KPNA3: variants seen among roughly 807,000 people sequenced by gnomAD.
KPNA3 encodes importin subunit alpha-4.
In KPNA3, 13 loss-of-function variants were observed where a neutral mutation model predicts 73.8. The ratio of observed to expected loss-of-function variants is 0.18; its 90% CI spans 0.11 to 0.28. The LOEUF (loss-of-function observed/expected upper bound fraction) is 0.28. Among genes scored for constraint, KPNA3 ranks in the 10% least tolerant of loss-of-function variants. KPNA3 has a pLI of 1.00. For missense variants in KPNA3, 360 were observed against 618.1 expected, an observed-to-expected ratio of 0.58 and a Z score of 4.43; for synonymous variants, 186 against 206.9, an observed-to-expected ratio of 0.90 and a Z score of 0.87.
chr13:49,717,354 C>T (rs1954313031), intron 10 of KPNA3, among the ~76,000 whole-genome samples: 2 of 145,068 alleles, frequency 1.4e-5, no homozygotes, highest in Non-Finnish European at 1.5e-5. Flanking sequence ...TCCTTCAACT[C>T]GGGAGGCGGA....
intron 1 of KPNA3, among the ~76,000 whole-genome samples, chr13:49,781,411 G>A (rs1380110401): frequency 2.6e-5 from 4 of 152,146 alleles, no homozygotes; most frequent in African/African-American, 9.7e-5. Flanking sequence ...AGAAGAAAAT[G>A]AAGAAATGAA....
chr13:49,785,425 T>C (rs988890097), intron 1 of KPNA3, among the ~76,000 whole-genome samples: 4 of 152,050 alleles, frequency 2.6e-5, no homozygotes, highest in Non-Finnish European at 4.4e-5. Flanking sequence ...ACAGTGAGGG[T>C]GATGATGCCA....
In KPNA3 at chr13:49,746,929, T is replaced by C. The variant is rs772796958; in HGVS notation, c.114+20A>G. 1 of 1,576,242 alleles carries C rather than the reference T, an allele frequency of 6.3e-7. No individual in the cohort carries two copies. Reference sequence around the variant, plus strand: ...TCAGAAAAATCTAATTACTTTTCTTTAAATGTAAATCAACCTTACCTTCCG... The same window carrying C: ...TCAGAAAAATCTAATTACTTTTCTTCAAATGTAAATCAACCTTACCTTCCG... On this transcript the variant is annotated intron_variant, in intron 2 of 16. Transcript: ENST00000261667.
chr13:49,744,360 G>A (rs1954598928), intron 2 of KPNA3, among the ~76,000 whole-genome samples: 1 of 152,166 alleles, frequency 6.6e-6, no homozygotes, highest in African/African-American at 2.4e-5. Context: ...GTATTGTTGT[G>A]TCCATAAAGG....
chr13:49,763,757 A>T (rs1193435207), intron 1 of KPNA3, among the ~76,000 whole-genome samples: 1 of 152,124 alleles, frequency 6.6e-6, no homozygotes, highest in African/African-American at 2.4e-5. Context: ...AACTTGGTGA[A>T]ACCCCATCTA....
intron 1 of KPNA3, among the ~76,000 whole-genome samples, chr13:49,763,403 G>A (rs1349139735): frequency 1.3e-5 from 2 of 151,960 alleles, no homozygotes; most frequent in Admixed American, 6.6e-5. Flanking sequence ...AGAAAAGAGG[G>A]TAAGAAACAT....
intron 1 of KPNA3, among the ~76,000 whole-genome samples, chr13:49,775,905 C>T (rs1357971405): frequency 2.0e-5 from 3 of 152,096 alleles, no homozygotes; most frequent in African/African-American, 4.8e-5. Flanking sequence ...TGTACTTTCT[C>T]CCTCTGTATT....
intron 6 of KPNA3, among the ~76,000 whole-genome samples, chr13:49,728,052 G>A (rs570677911): frequency 9.9e-5 from 15 of 151,984 alleles, no homozygotes; most frequent in Middle Eastern, 6.8e-3. Context: ...TGGCTAACAC[G>A]GTGAAACCCC....
chr13:49,733,198 G>A, intron 2 of KPNA3, 152 bp from the exon 3 acceptor site: 1 of 582,710 alleles, frequency 1.7e-6, no homozygotes, highest in Non-Finnish European at 3.0e-6. Flanking sequence ...GCAAACCAAT[G>A]ACAAGGGTCA....
rs535926783 is a variant in KPNA3 at position 49,701,315 on chromosome 13, A to C, written c.*485T>G. 6.8e-5 allele frequency: 13 copies of C among 191,236 alleles called. No individual in the cohort carries two copies. In the South Asian group the frequency reaches 1.1e-3, roughly 16 times the overall value. 11.8% of individuals were successfully genotyped at this position (191,236 alleles called of 1,614,324 possible). A position where few individuals can be genotyped will look rare whatever the true frequency, so the allele number is the denominator to read the frequency against. On this transcript the variant is annotated 3_prime_UTR_variant, in exon 17 of 17. Transcript: ENST00000261667. ...TCATTTGGCTTGTACTTTAAAATCT[A>C]TTCTTCCACATAAAGAATATGAAAA...
chr13:49,752,662 A>G (rs1954673197), intron 1 of KPNA3, among the ~76,000 whole-genome samples: 3 of 152,216 alleles, frequency 2.0e-5, no homozygotes, highest in Non-Finnish European at 2.9e-5. Context: ...CTTAAGAGCC[A>G]GTAAACAACA....
intron 2 of KPNA3, among the ~76,000 whole-genome samples, chr13:49,734,934 T>TAGAGAGAG (rs1345135818): frequency 2.1e-5 from 2 of 93,386 alleles, no homozygotes; most frequent in Non-Finnish European, 5.2e-5. Flanking sequence ...TATATATATA[T>TAGAGAGAG]ATATAGAGAG....
intron 2 of KPNA3, among the ~76,000 whole-genome samples, chr13:49,739,151 C>T (rs111719954): frequency 5.9e-5 from 9 of 152,268 alleles, no homozygotes; most frequent in African/African-American, 1.7e-4. Flanking sequence ...GCAAGTGGGG[C>T]ACTTGGGTGG....
intron 10 of KPNA3, among the ~76,000 whole-genome samples, chr13:49,716,766 T>C (rs1342550313): frequency 1.3e-5 from 2 of 152,158 alleles, no homozygotes; most frequent in Non-Finnish European, 2.9e-5. Flanking sequence ...AAAACTCCTT[T>C]GTTGGTTCTT....
At chr13:49,707,431 G>C (rs772320270) in intron 12 of KPNA3, among the ~76,000 whole-genome samples, 1 of 152,108 alleles carries the variant, frequency 6.6e-6, no homozygotes, top group Non-Finnish European at 1.5e-5. Context: ...GAAATGCTGA[G>C]GGAAGAAAAT....
At chr13:49,759,470 CATT>C (rs1954739882) in intron 1 of KPNA3, among the ~76,000 whole-genome samples, 2 of 152,186 alleles carry the variant, frequency 1.3e-5, no homozygotes, top group African/African-American at 2.4e-5. Context: ...ACTTTATTTC[CATT>C]ATTATTATAT....
intron 1 of KPNA3, among the ~76,000 whole-genome samples, chr13:49,764,035 C>A (rs1954789642): frequency 6.8e-6 from 1 of 146,340 alleles, no homozygotes; most frequent in Non-Finnish European, 1.5e-5. Flanking sequence ...CCACTGCACT[C>A]CAGCCTGGGT....
intron 1 of KPNA3, among the ~76,000 whole-genome samples, chr13:49,751,687 T>C (rs1954664643): frequency 6.6e-6 from 1 of 152,164 alleles, no homozygotes; most frequent in Non-Finnish European, 1.5e-5. Context: ...GGCGGGAGGA[T>C]TGCTTGAGCC....
rs573446638 is a variant in KPNA3 at position 49,774,911 on chromosome 13, T to A, written c.69+17527A>T. 1.5e-3 allele frequency among the ~76,000 whole-genome samples: 229 copies of A among 152,178 alleles called. 1 individual carries two copies. Among genetic ancestry groups the A allele is most frequent in the African/African-American group, 5.1e-3 (210 of 41,516 alleles). On this transcript the variant is annotated intron_variant, in intron 1 of 16. Coordinates refer to ENST00000261667, the MANE Select transcript of KPNA3 (RefSeq NM_002267.4). ...GGCTCATGCCTGTAATCCCAGCACT[T>A]GGGAGGCCAAGGCAGGTGGATTACC...
Sources: allele counts gnomAD v4.1 joint callset (sites outside exome capture counted in the v4.1 genomes callset), GRCh38; gene constraint gnomAD v4.1.1; transcripts MANE v1.5; gene names NCBI Gene and HGNC (gene_info 2026-07-23, HGNC 2026-07-21).